Variants in LYPLAL1 observed in about 807,000 individuals in gnomAD.
The protein encoded by LYPLAL1 is lysophospholipase like 1, also known as lysophospholipase-like protein 1.
A neutral mutation model predicts 19.7 loss-of-function variants in LYPLAL1; 23 were observed. That is an observed-to-expected ratio of 1.17 (90% CI 0.84 to 1.65). The LOEUF (loss-of-function observed/expected upper bound fraction) is 1.65. LYPLAL1 is among the 40% of genes most tolerant of loss of function. The probability of loss-of-function intolerance (pLI) is 0.00; values close to 1 mark genes in which losing one functional copy is unlikely to be tolerated. For synonymous variants in LYPLAL1, 119 were observed against 96.3 expected (o/e 1.24, Z -1.38); for missense variants, 355 against 279.4 (o/e 1.27, Z -1.93).
chr1:219,359,517 A>G, the LYPLAL1 span, among the ~76,000 whole-genome samples: 1 of 152,186 alleles, frequency 6.6e-6, no homozygotes, highest in South Asian at 2.1e-4. Flanking sequence ...GGTCTTTCAC[A>G]AAGCTTTCCT....
chr1:219,389,817 T>C, the LYPLAL1 span, among the ~76,000 whole-genome samples: 1 of 152,202 alleles, frequency 6.6e-6, no homozygotes. Context: ...TGTGCCAACC[T>C]AATATATAAT....
chr1:219,381,200 C>T, the LYPLAL1 span, among the ~76,000 whole-genome samples: 6 of 152,136 alleles, frequency 3.9e-5, no homozygotes, highest in East Asian at 3.9e-4. Flanking sequence ...TCATGAGATC[C>T]GATGGTTTTA....
At chr1:219,378,453 C>T in the LYPLAL1 span, among the ~76,000 whole-genome samples, 2 of 152,086 alleles carry the variant, frequency 1.3e-5, no homozygotes, top group South Asian at 4.2e-4. Context: ...TTACCTCCCA[C>T]GACACATGGG....
chr1:219,285,223 T>C, the LYPLAL1 span, among the ~76,000 whole-genome samples: 30 of 152,214 alleles, frequency 2.0e-4, 1 homozygote, highest in Non-Finnish European at 2.8e-4. Flanking sequence ...TCTTTAAACA[T>C]ACAAACGAAA....
At chr1:219,295,119 G>A in the LYPLAL1 span, among the ~76,000 whole-genome samples, 1 of 152,140 alleles carries the variant, frequency 6.6e-6, no homozygotes, top group Admixed American at 6.5e-5. Flanking sequence ...GACTTAGTGA[G>A]TTCACCCTGG....
the LYPLAL1 span, among the ~76,000 whole-genome samples, chr1:219,245,846 C>A: frequency 6.6e-6 from 1 of 151,974 alleles, no homozygotes; most frequent in Non-Finnish European, 1.5e-5. Flanking sequence ...ATATAAAATT[C>A]GACCCATTTC....
chr1:219,423,575 A>G, the LYPLAL1 span, among the ~76,000 whole-genome samples: 11 of 152,338 alleles, frequency 7.2e-5, no homozygotes, highest in African/African-American at 2.6e-4. Context: ...TAATTGTCCA[A>G]TGAGACAACT....
chr1:219,231,080 A>T, the LYPLAL1 span, among the ~76,000 whole-genome samples: 1 of 152,220 alleles, frequency 6.6e-6, no homozygotes, highest in Non-Finnish European at 1.5e-5. Context: ...GGGCATTTCT[A>T]AAAAAATAGA....
the LYPLAL1 span, among the ~76,000 whole-genome samples, chr1:219,287,242 C>T: frequency 1.3e-5 from 2 of 152,084 alleles, no homozygotes; most frequent in African/African-American, 2.4e-5. Context: ...TTCTTAGTCC[C>T]GCCAATACGT....
intron 3 of LYPLAL1, among the ~76,000 whole-genome samples, chr1:219,209,271 G>A (rs1469641016): frequency 6.6e-6 from 1 of 151,906 alleles, no homozygotes; most frequent in African/African-American, 2.4e-5. Flanking sequence ...TCTAAACTTT[G>A]CCAGACTGGT....
At chr1:219,278,674 C>CA in the LYPLAL1 span, among the ~76,000 whole-genome samples, 1 of 62,136 alleles carries the variant, frequency 1.6e-5, no homozygotes, top group Non-Finnish European at 3.6e-5. Context: ...ACATAAAAAT[C>CA]ACTAAACAAC....
At chr1:219,386,713 GA>G in the LYPLAL1 span, among the ~76,000 whole-genome samples, 2 of 152,174 alleles carry the variant, frequency 1.3e-5, no homozygotes, top group Non-Finnish European at 2.9e-5. Flanking sequence ...AAGCTCAATA[GA>G]AACAGAAGTG....
the LYPLAL1 span, among the ~76,000 whole-genome samples, chr1:219,391,365 G>T: frequency 6.6e-6 from 1 of 152,126 alleles, no homozygotes; most frequent in African/African-American, 2.4e-5. Context: ...GGTTGTGGGG[G>T]ACCATCATAA....
chr1:219,241,134 C>CTATATATA, the LYPLAL1 span, among the ~76,000 whole-genome samples: 106 of 44,330 alleles, frequency 2.4e-3, 2 homozygotes, highest in South Asian at 3.6e-3. Context: ...CTCTCTCTCT[C>CTATATATA]TATATATATA....
the LYPLAL1 span, among the ~76,000 whole-genome samples, chr1:219,398,853 C>G: frequency 1.3e-5 from 2 of 152,196 alleles, no homozygotes; most frequent in South Asian, 2.1e-4. Flanking sequence ...ACTGCATGCT[C>G]TAACTCTGGA....
chr1:219,179,891 A>G (rs1656132593), intron 2 of LYPLAL1, among the ~76,000 whole-genome samples: 1 of 152,238 alleles, frequency 6.6e-6, no homozygotes, highest in Non-Finnish European at 1.5e-5. Flanking sequence ...GCCGTAAATC[A>G]GGGATTGGGA....
the LYPLAL1 span, among the ~76,000 whole-genome samples, chr1:219,291,908 A>G: frequency 6.6e-6 from 1 of 152,118 alleles, no homozygotes; most frequent in Non-Finnish European, 1.5e-5. Context: ...AGAAAGAAAG[A>G]AAAGAAAAAC....
the LYPLAL1 span, chr1:219,272,362 G>C: frequency 6.6e-6 from 1 of 152,402 alleles, no homozygotes; most frequent in Non-Finnish European, 1.5e-5. Context: ...CTAAGAAGCA[G>C]GCTGAAAAGT....
chr1:219,317,129 C>G, the LYPLAL1 span, among the ~76,000 whole-genome samples: 15 of 152,236 alleles, frequency 9.9e-5, no homozygotes, highest in African/African-American at 3.6e-4. Context: ...TTTTTATAAA[C>G]TTGCCCTTTT....
Sources: allele counts gnomAD v4.1 joint callset (sites outside exome capture counted in the v4.1 genomes callset), GRCh38; gene constraint gnomAD v4.1.1; transcripts MANE v1.5; gene names NCBI Gene and HGNC (gene_info 2026-07-23, HGNC 2026-07-21).